The following CST7 variants were observed in gnomAD, a reference collection of about 807,000 sequenced individuals.
CST7 encodes the protein cystatin-F.
In CST7, 15 loss-of-function variants were observed where a neutral mutation model predicts 13.1. The observed-to-expected ratio is 1.14, with a 90% CI of 0.77 to 1.76. The LOEUF (loss-of-function observed/expected upper bound fraction) is 1.76, where lower values mean the gene tolerates loss of function less well. Among genes scored for constraint, CST7 ranks in the 40% most tolerant of loss-of-function variants. The pLI is 0.00. For synonymous variants in CST7, 75 were observed against 66.9 expected (o/e 1.12, Z -0.59); for missense variants, 193 against 178.8 (o/e 1.08, Z -0.45).
chr20:24,958,980 G>C lies in CST7; in HGVS notation c.296G>C (p.Cys99Ser), dbSNP rs778180806. The stretch of plus-strand genomic sequence containing the variant: ...GAGGTGGAAATTGGCAGAACTACCT[G>C]CAAGAAAAACCAGCACCTGCGTCTG... ...MLEVEIGRTTCKKNQHLRLDD... is the reference protein window; with the variant it reads ...MLEVEIGRTTSKKNQHLRLDD... Residue 99 changes from cysteine (C) to serine (S), a missense_variant, in exon 3 of 4, where the codon TGC (cysteine) becomes TCC (serine). Cys to Ser is a moderately radical substitution (Grantham distance 112). Transcript: ENST00000480798. The C allele has an allele frequency of 6.2e-6, 10 of 1,614,018 alleles. No homozygotes were observed. Among genetic ancestry groups the C allele is most frequent in the Admixed American group, 3.3e-5 (2 of 60,010 alleles).
intron 3 of CST7, 41 bp downstream of exon 3, chr20:24,959,085 C>A: frequency 7.0e-7 from 1 of 1,437,568 alleles, no homozygotes; most frequent in Non-Finnish European, 9.8e-7. Context: ...CCCTCTCTTC[C>A]CCAGCCCACT....
intron 1 of CST7, among the ~76,000 whole-genome samples, chr20:24,952,127 G>A (rs1281531441): frequency 2.0e-5 from 3 of 152,242 alleles, no homozygotes; most frequent in Admixed American, 2.0e-4. Context: ...TTTGCCCTGA[G>A]ACCCCTGCTG....
At chr20:24,955,615 A>T (rs969256797) in intron 1 of CST7, among the ~76,000 whole-genome samples, 6 of 151,948 alleles carry the variant, frequency 3.9e-5, no homozygotes, top group African/African-American at 1.5e-4. Flanking sequence ...ATGTCCAGCT[A>T]ATTTTTTGTA....
intron 3 of CST7, 104 bp downstream of exon 3, chr20:24,959,148 A>T: frequency 1.1e-6 from 1 of 925,696 alleles, no homozygotes; most frequent in Non-Finnish European, 1.7e-6. Context: ...GCAGCGCCCC[A>T]AACCTCACCC....
At chr20:24,957,602 G>A (rs1405878066) in intron 2 of CST7, 143 bp downstream of exon 2, 4 of 809,268 alleles carry the variant, frequency 4.9e-6, no homozygotes, top group Non-Finnish European at 7.9e-6. Flanking sequence ...GATGCACAAG[G>A]GGTGGGAGTG....
At chr20:24,959,311 G>A (rs1186734421) in intron 3 of CST7, among the ~76,000 whole-genome samples, 1 of 151,422 alleles carries the variant, frequency 6.6e-6, no homozygotes, top group Non-Finnish European at 1.5e-5. Context: ...GAGTGGAGAG[G>A]GTTAGAGTAA....
intron 1 of CST7, among the ~76,000 whole-genome samples, chr20:24,955,174 A>C (rs2087845660): frequency 6.6e-6 from 1 of 152,174 alleles, no homozygotes; most frequent in Non-Finnish European, 1.5e-5. Context: ...GCTGGTTTCC[A>C]GAACAGTTTT....
intron 1 of CST7, among the ~76,000 whole-genome samples, chr20:24,950,790 T>C (rs1453682524): frequency 6.6e-6 from 1 of 152,166 alleles, no homozygotes; most frequent in African/African-American, 2.4e-5. Flanking sequence ...CCTGATGCAG[T>C]GCTGCCTGCC....
At chr20:24,956,672 G>T in intron 1 of CST7, among the ~76,000 whole-genome samples, 1 of 152,006 alleles carries the variant, frequency 6.6e-6, no homozygotes, top group Non-Finnish European at 1.5e-5. Flanking sequence ...GCCAGGAGGG[G>T]TGCCCTCCTG....
At chr20:24,959,171 G>A (rs1479431005) in intron 3 of CST7, 127 bp downstream of exon 3, 1 of 750,052 alleles carries the variant, frequency 1.3e-6, no homozygotes, top group East Asian at 2.5e-5. Context: ...GAGGAAGCCA[G>A]GCCTCCCAGA....
chr20:24,957,060 CAGGTG>C (rs1163716869), intron 1 of CST7, among the ~76,000 whole-genome samples: 2 of 1,088 alleles, frequency 1.8e-3, no homozygotes, highest in African/African-American at 9.9e-3. Context: ...TGAGGGAGAA[CAGGTG>C]AGGGGGCAGG....
At chr20:24,957,162 G>C (rs1245524757) in intron 1 of CST7, 125 bp from the exon 2 acceptor site, 4 of 942,948 alleles carry the variant, frequency 4.2e-6, no homozygotes. Context: ...AGCAGGTGAG[G>C]GGTGGGTAGG....
At position 24,958,965 on chromosome 20, in the gene CST7, T is replaced by C. The variant is rs141828767; in HGVS notation, c.281T>C (p.Ile94Thr). ...KGLKYMLEVEIGRTTCKKNQH... is the reference protein window; with the variant it reads ...KGLKYMLEVETGRTTCKKNQH... ...CTGAAATATATGCTGGAGGTGGAAA[T>C]TGGCAGAACTACCTGCAAGAAAAAC... The change falls in exon 3 of 4, where the codon ATT becomes ACT. Residue 94 changes from isoleucine to threonine, a missense_variant. Physicochemically the swap from Ile to Thr is moderately conservative, Grantham distance 89. Coordinates refer to ENST00000480798, the MANE Select transcript of CST7 (RefSeq NM_003650.4). 2.4e-4 allele frequency: 383 copies of C among 1,613,862 alleles called. No homozygotes were observed. Among genetic ancestry groups the C allele is most frequent in the Non-Finnish European group, 3.0e-4 (356 of 1,179,918 alleles).
chr20:24,954,668 T>C (rs1450639458), intron 1 of CST7, among the ~76,000 whole-genome samples: 1 of 151,956 alleles, frequency 6.6e-6, no homozygotes, highest in Non-Finnish European at 1.5e-5. Context: ...TTAGGAAACA[T>C]GTAGTTAAAT....
chr20:24,959,076 C>A, intron 3 of CST7, 32 bp downstream of exon 3: 1 of 1,493,706 alleles, frequency 6.7e-7, no homozygotes, highest in Non-Finnish European at 9.3e-7. Flanking sequence ...TCAGATGTGC[C>A]CTCTCTTCCC....
At position 24,949,395 on chromosome 20, in the gene CST7, C is replaced by G; in HGVS notation, c.-111C>G. 6.2e-7 allele frequency: 1 copy of G among 1,600,218 alleles called. No homozygotes were observed. The highest frequency in any genetic ancestry group is 1.7e-5 in the Admixed American group (1 of 59,178). On this transcript the variant is annotated 5_prime_UTR_variant, in exon 1 of 4. Transcript: ENST00000480798. ...CCCCACCTGCCCTGCGCCATCTACC[C>G]AAGAAGGCTCGGCACGGGCACCAAC... is the stretch of plus-strand genomic sequence containing the variant.
At chr20:24,954,493 G>A (rs2087841233) in intron 1 of CST7, among the ~76,000 whole-genome samples, 1 of 152,186 alleles carries the variant, frequency 6.6e-6, no homozygotes, top group Non-Finnish European at 1.5e-5. Flanking sequence ...GGCCTCTTTG[G>A]GGTGTTAATT....
intron 1 of CST7, among the ~76,000 whole-genome samples, chr20:24,952,685 C>T (rs1168413745): frequency 6.6e-6 from 1 of 152,224 alleles, no homozygotes; most frequent in Non-Finnish European, 1.5e-5. Context: ...AAAGGGTCTC[C>T]CCACCCAGCT....
chr20:24,955,829 G>A (rs6050204), intron 1 of CST7, among the ~76,000 whole-genome samples: 13,705 of 152,218 alleles, frequency 0.09, 697 homozygotes, highest in Middle Eastern at 0.13. Flanking sequence ...GCATGCCAGC[G>A]CAGGACACAG....
Sources: allele counts gnomAD v4.1 joint callset (sites outside exome capture counted in the v4.1 genomes callset), GRCh38; gene constraint gnomAD v4.1.1; transcripts MANE v1.5; gene names NCBI Gene and HGNC (gene_info 2026-07-23, HGNC 2026-07-21).